The following AGAP1 variants were observed in gnomAD, a reference collection of about 807,000 sequenced individuals.
The protein encoded by AGAP1 is arf-GAP with GTPase, ANK repeat and PH domain-containing protein 1.
A neutral mutation model predicts 105.3 loss-of-function variants in AGAP1; 29 were observed. The ratio of observed to expected loss-of-function variants is 0.28; its 90% CI spans 0.21 to 0.38. AGAP1 has a LOEUF of 0.38. Ranked by LOEUF, AGAP1 falls within the 10% of genes least tolerant of loss-of-function variation. AGAP1 has a pLI of 1.00. For missense variants in AGAP1, 998 were observed against 1,165.1 expected, an observed-to-expected ratio of 0.86 and a Z score of 2.09; for synonymous variants, 509 against 485.9, an observed-to-expected ratio of 1.05 and a Z score of -0.63.
intron 11 of AGAP1, among the ~76,000 whole-genome samples, chr2:235,911,479 G>A (rs2051613159): frequency 6.6e-6 from 1 of 152,242 alleles, no homozygotes; most frequent in South Asian, 2.1e-4. Context: ...CTGTGAAGAA[G>A]CGTTCACTAT....
At position 236,000,836 on chromosome 2, in the gene AGAP1, A is replaced by C. The variant is rs1322686470; in HGVS notation, c.1645+32213A>C. Among the ~76,000 whole-genome samples, 1 of 152,086 alleles carries C rather than the reference A, an allele frequency of 6.6e-6. No homozygotes were observed. Among genetic ancestry groups the C allele is most frequent in the African/African-American group, 2.4e-5 (1 of 41,390 alleles). ...GCCCCACTTGTGCTGTTCTGTAAGG[A>C]GGGTCTTCCAGGCACAGAGAGTGGC... On this transcript the variant is annotated intron_variant, in intron 13 of 17. Transcript: ENST00000304032. The surrounding 1 kb of genome is among the most constrained non-coding windows in gnomAD (Gnocchi z 4.3).
rs1014043344 is a variant in AGAP1, at chr2:236,040,792, G to A, written c.1842G>A (p.Ser614=). The A allele has an allele frequency of 1.9e-6, 3 of 1,613,786 alleles. No homozygotes were observed. In the South Asian group the frequency reaches 3.3e-5, roughly 18 times the overall value. Residue 614 remains serine, a synonymous_variant, in exon 15 of 18, where the codon TCG becomes TCA. Transcript: ENST00000304032. This position sits in a 1 kb window ranked among gnomAD's most constrained non-coding sequence, Gnocchi z 5.6. ...AGAGCGAGGCCATGGCCCTGCAGTC[G>A]ATCCGGAACATGCGCGGGAACTCCC... The part of the protein sequence containing the change: ...TSQSEAMALQ[S]IRNMRGNSHC...
intron 1 of AGAP1, among the ~76,000 whole-genome samples, chr2:235,629,601 G>T (rs1946758411): frequency 6.6e-6 from 1 of 152,032 alleles, no homozygotes; most frequent in Admixed American, 6.6e-5. Context: ...GGGCGCAGTG[G>T]CTCATACCTG....
intron 16 of AGAP1, among the ~76,000 whole-genome samples, chr2:236,106,903 C>A (rs543839684): frequency 3.2e-4 from 49 of 152,322 alleles, no homozygotes; most frequent in Admixed American, 2.9e-3. Flanking sequence ...TGGCTGCAGT[C>A]TACAAGGGGG....
intron 6 of AGAP1, among the ~76,000 whole-genome samples, chr2:235,755,064 G>T (rs1953805095): frequency 6.6e-6 from 1 of 152,118 alleles, no homozygotes. Flanking sequence ...CAACCGTTTG[G>T]ATTCTCAGCA....
In AGAP1 at chr2:235,744,224, G is replaced by T. The variant is rs947425591; in HGVS notation, c.397-474G>T. ...AGTAGGCCAGCCGCTGCGGTAGCGA[G>T]TGGGAAGGACTGAGGGGTGGGGAGG... On this transcript the variant is annotated intron_variant, in intron 4 of 17. Coordinates refer to ENST00000304032, the MANE Select transcript of AGAP1 (RefSeq NM_001037131.3). The surrounding 1 kb of genome is among the most constrained non-coding windows in gnomAD (Gnocchi z 5.2). 6.6e-6 allele frequency among the ~76,000 whole-genome samples: 1 copy of T among 152,178 alleles called. No individual in the cohort carries two copies. Among genetic ancestry groups the T allele is most frequent in the African/African-American group, 2.4e-5 (1 of 41,438 alleles).
intron 10 of AGAP1, among the ~76,000 whole-genome samples, chr2:235,903,980 C>T (rs1275765894): frequency 2.0e-5 from 3 of 151,918 alleles, no homozygotes; most frequent in African/African-American, 7.3e-5. Flanking sequence ...AGAAGGCGGG[C>T]GCCACGTTAA....
intron 6 of AGAP1, among the ~76,000 whole-genome samples, chr2:235,763,210 T>C (rs1954620165): frequency 6.6e-6 from 1 of 152,162 alleles, no homozygotes; most frequent in Non-Finnish European, 1.5e-5. Flanking sequence ...ATCCGAAATG[T>C]TTTGAGTGCA....
intron 1 of AGAP1, among the ~76,000 whole-genome samples, chr2:235,528,364 G>GC (rs1177198779): frequency 2.2e-5 from 1 of 46,234 alleles, no homozygotes; most frequent in African/African-American, 8.0e-5. Flanking sequence ...CCCCTCCCCC[G>GC]CCCCCTCCCC....
In AGAP1 at chr2:236,044,681, C is replaced by T. The variant is rs1239635541; in HGVS notation, c.1891+3840C>T. Among the ~76,000 whole-genome samples, 1 of 152,104 alleles carries T rather than the reference C, an allele frequency of 6.6e-6. No homozygotes were observed. Among genetic ancestry groups the T allele is most frequent in the Non-Finnish European group, 1.5e-5 (1 of 68,024 alleles). ...ATCCAGGCTCTCATCTTTAGCTTGG[C>T]CCACAAATAGAACCTCCGGTCCCGC... On this transcript the variant is annotated intron_variant, in intron 15 of 17. Coordinates refer to ENST00000304032, the MANE Select transcript of AGAP1 (RefSeq NM_001037131.3). The surrounding 1 kb of genome is among the most constrained non-coding windows in gnomAD (Gnocchi z 5.7).
At chr2:235,594,637 T>C (rs1231829226) in intron 1 of AGAP1, among the ~76,000 whole-genome samples, 1 of 152,140 alleles carries the variant, frequency 6.6e-6, no homozygotes, top group Non-Finnish European at 1.5e-5. Flanking sequence ...TGCAGTGATG[T>C]GATCTCGGCT....
chr2:235,832,531 T>C (rs2106348078), intron 9 of AGAP1, among the ~76,000 whole-genome samples: 1 of 152,366 alleles, frequency 6.6e-6, no homozygotes, highest in East Asian at 1.9e-4. Context: ...CTTTTATACA[T>C]TGTATGAAAT....
At chr2:236,059,979 T>C (rs1303332448) in intron 16 of AGAP1, among the ~76,000 whole-genome samples, 1 of 152,152 alleles carries the variant, frequency 6.6e-6, no homozygotes, top group Non-Finnish European at 1.5e-5. Context: ...TAACGCCAGC[T>C]ACTTGGGAGG....
At chr2:235,836,637 A>G (rs2106370111) in intron 9 of AGAP1, among the ~76,000 whole-genome samples, 1 of 152,318 alleles carries the variant, frequency 6.6e-6, no homozygotes, top group East Asian at 1.9e-4. Flanking sequence ...AACCGTGTTG[A>G]TCTGTGTCAT....
At chr2:236,068,921 G>T (rs1369923552) in intron 16 of AGAP1, among the ~76,000 whole-genome samples, 2 of 151,542 alleles carry the variant, frequency 1.3e-5, no homozygotes, top group African/African-American at 4.9e-5. Flanking sequence ...GAGGTCAGGA[G>T]ATCGAGACCA....
At chr2:235,933,927 A>G (rs905090057) in intron 12 of AGAP1, among the ~76,000 whole-genome samples, 22 of 152,238 alleles carry the variant, frequency 1.4e-4, no homozygotes, top group Non-Finnish European at 3.1e-4. Context: ...GGCTTTATGT[A>G]GATAATCTCA....
At chr2:235,533,539 G>T (rs1471803526) in intron 1 of AGAP1, among the ~76,000 whole-genome samples, 1 of 152,212 alleles carries the variant, frequency 6.6e-6, no homozygotes, top group East Asian at 1.9e-4. Context: ...ATTTTGCTTG[G>T]AATGTTGAGC....
chr2:236,023,708 C>A (rs866544222), intron 13 of AGAP1, among the ~76,000 whole-genome samples: 1 of 152,078 alleles, frequency 6.6e-6, no homozygotes, highest in African/African-American at 2.4e-5. Flanking sequence ...CAAACATGCC[C>A]GTCCCCCAGG....
intron 13 of AGAP1, among the ~76,000 whole-genome samples, chr2:235,987,191 C>T (rs2055351707): frequency 1.3e-5 from 2 of 151,304 alleles, no homozygotes; most frequent in Admixed American, 6.6e-5. Flanking sequence ...TGTTATTTGT[C>T]TATTCAGGGA....
Sources: allele counts gnomAD v4.1 joint callset (sites outside exome capture counted in the v4.1 genomes callset), GRCh38; gene constraint gnomAD v4.1.1; non-coding constraint Gnocchi (gnomAD v3.1); transcripts MANE v1.5; gene names NCBI Gene and HGNC (gene_info 2026-07-23, HGNC 2026-07-21).